Variants in PIKFYVE observed in about 807,000 individuals in gnomAD.
PIKFYVE encodes 1-phosphatidylinositol 3-phosphate 5-kinase.
Under a neutral mutation model 257.9 loss-of-function variants are expected in PIKFYVE, and 122 were observed. The ratio of observed to expected loss-of-function variants is 0.47; its 90% CI spans 0.41 to 0.55. PIKFYVE has a LOEUF of 0.55. PIKFYVE is among the 20% of genes least tolerant of loss of function. The probability of loss-of-function intolerance (pLI) is 0.00; values close to 1 mark genes in which losing one functional copy is unlikely to be tolerated. For missense variants in PIKFYVE, 2,160 were observed against 2,536.6 expected (o/e 0.85, Z 3.19); for synonymous variants, 892 against 868.9 (o/e 1.03, Z -0.47).
Position 208,273,617 on chromosome 2 carries a change from C to T in PIKFYVE, c.206C>T (p.Pro69Leu), listed in dbSNP as rs771529644. ...GAAGGAGGCCAGGGAGAACAGCAGC[C>T]TTTGAGTGGAAGTTGGACCAGCCCT... ...RAEGGQGEQQ[P>L]LSGSWTSPQL... Residue 69 changes from proline (P) to leucine (L), a missense_variant, in exon 3 of 42, where the codon CCT becomes CTT. Physicochemically the swap from Pro to Leu is moderately conservative, Grantham distance 98. Transcript: ENST00000264380. 1 of 1,614,174 alleles carries T rather than the reference C, an allele frequency of 6.2e-7. No homozygotes were observed. The highest frequency in any genetic ancestry group is 8.5e-7 in the Non-Finnish European group (1 of 1,180,042).
chr2:208,346,713 G>A (rs989147233), intron 34 of PIKFYVE, among the ~76,000 whole-genome samples: 2 of 152,192 alleles, frequency 1.3e-5, no homozygotes, highest in Non-Finnish European at 2.9e-5. Flanking sequence ...CAACTGTAAG[G>A]ATTTAAACAA....
chr2:208,304,991 C>T lies in PIKFYVE; in HGVS notation c.1614C>T (p.Pro538=), dbSNP rs771284951. 2.5e-6 allele frequency: 4 copies of T among 1,614,078 alleles called. No homozygotes were observed. The highest frequency in any genetic ancestry group is 2.5e-6 in the Non-Finnish European group (3 of 1,180,000). The stretch of plus-strand genomic sequence containing the variant: ...AGCCCTCCAAGTACCCACATGTGCC[C>T]CCTCACCCTGCTGACCAAAAAGGTA... ...IKKPSKYPHV[P]PHPADQKEYL... Residue 538 remains proline (P), a synonymous_variant, in exon 12 of 42, where the codon CCC becomes CCT. Transcript: ENST00000264380.
At chr2:208,270,636 G>A (rs532597114) in intron 1 of PIKFYVE, among the ~76,000 whole-genome samples, 37 of 152,210 alleles carry the variant, frequency 2.4e-4, no homozygotes, top group Non-Finnish European at 4.9e-4. Flanking sequence ...AGGTCATGAA[G>A]TGTAGCTTGA....
chr2:208,303,184 A>T (rs935547101), intron 10 of PIKFYVE, among the ~76,000 whole-genome samples: 4 of 152,126 alleles, frequency 2.6e-5, no homozygotes, highest in African/African-American at 9.7e-5. Flanking sequence ...TCAAAAAAAG[A>T]TATACTTTCA....
intron 3 of PIKFYVE, among the ~76,000 whole-genome samples, chr2:208,274,258 C>G (rs1192656065): frequency 6.6e-6 from 1 of 152,206 alleles, no homozygotes; most frequent in East Asian, 1.9e-4. Context: ...CCATTCTGGT[C>G]TACTACACAG....
chr2:208,345,931 T>G, intron 33 of PIKFYVE, 119 bp from the exon 34 acceptor site: 1 of 702,674 alleles, frequency 1.4e-6, no homozygotes, highest in Non-Finnish European at 2.5e-6. Context: ...CTTTTGATAT[T>G]GTAGGTGGGC....
At chr2:208,289,483 G>A (rs1692011963) in intron 7 of PIKFYVE, among the ~76,000 whole-genome samples, 1 of 151,952 alleles carries the variant, frequency 6.6e-6, no homozygotes, top group Admixed American at 6.6e-5. Flanking sequence ...AGGCTGGAGT[G>A]CGGTGGTGTG....
chr2:208,305,353 CT>C (rs1178868634), intron 12 of PIKFYVE: 1 of 1,149,286 alleles, frequency 8.7e-7, no homozygotes, highest in African/African-American at 1.6e-5. Flanking sequence ...ATTCTTTTCT[CT>C]TTCTTCATTT....
At chr2:208,299,795 C>G (rs1247218950) in intron 8 of PIKFYVE, among the ~76,000 whole-genome samples, 2 of 152,142 alleles carry the variant, frequency 1.3e-5, no homozygotes, top group Non-Finnish European at 2.9e-5. Flanking sequence ...ATACTGTGTT[C>G]AATTCTAAGA....
chr2:208,279,546 A>G (rs1690538261), intron 5 of PIKFYVE, among the ~76,000 whole-genome samples: 1 of 152,168 alleles, frequency 6.6e-6, no homozygotes, highest in Non-Finnish European at 1.5e-5. Flanking sequence ...TTATATTTAA[A>G]TCTTTAATCC....
intron 7 of PIKFYVE, among the ~76,000 whole-genome samples, chr2:208,298,431 ATAGGG>A (rs57831607): frequency 0.088 from 13,342 of 152,100 alleles, 1,012 homozygotes; most frequent in East Asian, 0.46. Flanking sequence ...ATAGACTTAC[ATAGGG>A]TTGCAAATAT....
chr2:208,307,071 G>T (rs1694413434), intron 12 of PIKFYVE, among the ~76,000 whole-genome samples: 1 of 152,144 alleles, frequency 6.6e-6, no homozygotes, highest in Non-Finnish European at 1.5e-5. Flanking sequence ...AAGCCACTGT[G>T]CCTGGCCCTC....
At chr2:208,322,385 A>AG (rs1381124303) in intron 17 of PIKFYVE, among the ~76,000 whole-genome samples, 2 of 150,566 alleles carry the variant, frequency 1.3e-5, no homozygotes, top group Admixed American at 6.6e-5. Flanking sequence ...AAAAAAAAAA[A>AG]AAAAAAAAAA....
chr2:208,271,833 A>G, intron 2 of PIKFYVE, 142 bp downstream of exon 2: 1 of 789,046 alleles, frequency 1.3e-6, no homozygotes, highest in South Asian at 1.8e-5. Context: ...GTGAAATATT[A>G]ACAAGCGATA....
Position 208,333,513 on chromosome 2 carries a change from T to C in PIKFYVE, c.4142+20T>C, listed in dbSNP as rs760513275. On this transcript the variant is annotated intron_variant, in intron 24 of 41. Transcript: ENST00000264380. Reference sequence around the variant, plus strand: ...TTTCAGGTAAGAAATCCTAGGAATCTTGTGCATGATCTCAGATCTCATAAT... The same window carrying C: ...TTTCAGGTAAGAAATCCTAGGAATCCTGTGCATGATCTCAGATCTCATAAT... The C allele has an allele frequency of 6.2e-7, 1 of 1,605,414 alleles. No homozygotes were observed. Among genetic ancestry groups the C allele is most frequent in the Non-Finnish European group, 8.5e-7 (1 of 1,172,926 alleles).
Position 208,354,627 on chromosome 2 carries a change from G to A in PIKFYVE, c.6163G>A (p.Gly2055Arg). 2 of 1,612,878 alleles carry A rather than the reference G, an allele frequency of 1.2e-6. No homozygotes were observed. The highest frequency in any genetic ancestry group is 1.7e-6 in the Non-Finnish European group (2 of 1,179,000). The change falls in exon 41 of 42, where the codon GGA becomes AGA. Residue 2055 changes from glycine (G) to arginine (R), a missense_variant. Gly to Arg is a moderately radical substitution (Grantham distance 125). Coordinates refer to ENST00000264380, the MANE Select transcript of PIKFYVE (RefSeq NM_015040.4). ...GCTTGAGATGGTTGTGAAATCAACA[G>A]GAATTTTAGGTGGACAAGGTGAGAA... is the stretch of plus-strand genomic sequence containing the variant. Reference protein sequence around the residue: ...KKLEMVVKSTGILGGQGKMPT... With the variant: ...KKLEMVVKSTRILGGQGKMPT...
At position 208,314,298 on chromosome 2, in the gene PIKFYVE, C is replaced by G. The variant is rs1695236152; in HGVS notation, c.1701C>G (p.Ser567=). The change falls in exon 14 of 42, where the codon TCC becomes TCG. Residue 567 remains serine (S), a synonymous_variant. Coordinates refer to ENST00000264380, the MANE Select transcript of PIKFYVE (RefSeq NM_015040.4). ...LSISDAFIKE[S]LFNRRVEEKS... is the part of the protein sequence containing the mutation. ...CTTATTTTATATTGTACTTAGAATC[C>G]TTATTTAATCGCCGAGTAGAGGAAA... 1 of 1,612,520 alleles carries G rather than the reference C, an allele frequency of 6.2e-7. No individual in the cohort carries two copies. The highest frequency in any genetic ancestry group is 8.5e-7 in the Non-Finnish European group (1 of 1,178,778).
intron 23 of PIKFYVE, among the ~76,000 whole-genome samples, chr2:208,331,282 G>A (rs529118332): frequency 1.3e-5 from 2 of 152,148 alleles, no homozygotes; most frequent in East Asian, 3.9e-4. Flanking sequence ...CAAAAATTTG[G>A]TGCCAATATT....
At chr2:208,302,479 G>A in intron 10 of PIKFYVE, 126 bp downstream of exon 10, 2 of 980,066 alleles carry the variant, frequency 2.0e-6, no homozygotes, top group Non-Finnish European at 3.1e-6. Flanking sequence ...TGCTGTTTGA[G>A]GAAAGTTAAA....
Sources: allele counts gnomAD v4.1 joint callset (sites outside exome capture counted in the v4.1 genomes callset), GRCh38; gene constraint gnomAD v4.1.1; transcripts MANE v1.5; gene names NCBI Gene and HGNC (gene_info 2026-07-23, HGNC 2026-07-21).